MSN: variants seen among roughly 807,000 people sequenced by gnomAD.
MSN encodes the protein epididymis luminal protein 70.
A neutral mutation model predicts 48.0 loss-of-function variants in MSN; 2 were observed. The ratio of observed to expected loss-of-function variants is 0.04; its 90% CI spans 0.02 to 0.13. The LOEUF is 0.13. MSN is among the 10% of genes least tolerant of loss of function. MSN has a pLI of 1.00. For missense variants in MSN, 267 were observed against 470.1 expected, an observed-to-expected ratio of 0.57 and a Z score of 3.99; for synonymous variants, 146 against 166.9, an observed-to-expected ratio of 0.87 and a Z score of 0.97.
intron 1 of MSN, chrX:65,593,449 G>A (rs762291722): frequency 8.9e-6 from 1 of 112,598 alleles, no homozygotes; most frequent in African/African-American, 3.2e-5. Context: ...CCGTCCCAGG[G>A]TCTGTTTGTG....
intron 7 of MSN, 37 bp downstream of exon 7, chrX:65,733,317 G>T: frequency 4.8e-6 from 5 of 1,034,572 alleles, no homozygotes; most frequent in Non-Finnish European, 5.4e-6. Flanking sequence ...ACAGGTACTT[G>T]CCAAGGCCTG....
chrX:65,667,300 G>A (rs2070880597), upstream of MSN, among the ~76,000 whole-genome samples: 1 of 111,762 alleles, frequency 8.9e-6, no homozygotes, highest in Admixed American at 9.4e-5. Context: ...GAAAAGATAG[G>A]TAGTGAGCTC....
intron 1 of MSN, among the ~76,000 whole-genome samples, chrX:65,681,488 C>G (rs745563758): frequency 1.5e-4 from 17 of 111,511 alleles, no homozygotes; most frequent in Middle Eastern, 4.2e-3. Flanking sequence ...GGATGAGCAC[C>G]TGGTAGGGCA....
intron 1 of MSN, among the ~76,000 whole-genome samples, chrX:65,707,911 C>A (rs888955791): frequency 8.9e-6 from 1 of 112,572 alleles, no homozygotes; most frequent in Non-Finnish European, 1.9e-5. Context: ...TCCCTGCTAC[C>A]TCTGACACGT....
chrX:65,728,358 A>G (rs1445369578), intron 3 of MSN, among the ~76,000 whole-genome samples: 1 of 111,300 alleles, frequency 9.0e-6, no homozygotes, highest in Admixed American at 9.5e-5. Flanking sequence ...CAGTGGTGCC[A>G]TCTCGGCTCA....
intron 1 of MSN, among the ~76,000 whole-genome samples, chrX:65,706,534 C>T (rs1399838493): frequency 1.8e-5 from 2 of 112,028 alleles, no homozygotes; most frequent in African/African-American, 3.2e-5. Context: ...ACAACCTCTG[C>T]CCCAGTGAGA....
intron 1 of MSN, among the ~76,000 whole-genome samples, chrX:65,627,220 G>C (rs2070514099): frequency 9.1e-6 from 1 of 110,352 alleles, no homozygotes; most frequent in South Asian, 3.9e-4. Flanking sequence ...TTTTAAATAA[G>C]AGCTTTATTG....
At chrX:65,612,392 G>A (rs2070327811) in intron 1 of MSN, among the ~76,000 whole-genome samples, 1 of 110,423 alleles carries the variant, frequency 9.1e-6, no homozygotes, top group Non-Finnish European at 1.9e-5. Context: ...CCTACTCTCG[G>A]GTATTCTGTT....
Position 65,741,521 on chromosome X carries a change from C to T in MSN, c.*1628C>T, listed in dbSNP as rs192153580. 1 of 166,542 alleles carries T rather than the reference C, an allele frequency of 6.0e-6. No homozygotes were observed. Among genetic ancestry groups the T allele is most frequent in the African/African-American group, 3.0e-5 (1 of 33,284 alleles). 13.7% of individuals were successfully genotyped at this position (166,542 alleles called of 1,213,427 possible). On this transcript the variant is annotated 3_prime_UTR_variant, in exon 13 of 13. Transcript: ENST00000360270. ...GGTCATACAATCCATTCTTAAAGTA[C>T]TTGTTATTTGTTTTTATTATTACTG...
At chrX:65,663,919 G>A (rs1233277634), upstream of MSN, among the ~76,000 whole-genome samples, 1 of 109,391 alleles carries the variant, frequency 9.1e-6, no homozygotes, top group Non-Finnish European at 1.9e-5. Flanking sequence ...AATTAGCCGG[G>A]CATGGTGGCG....
At chrX:65,612,426 G>T (rs1483762146) in intron 1 of MSN, among the ~76,000 whole-genome samples, 1 of 111,250 alleles carries the variant, frequency 9.0e-6, no homozygotes, top group Non-Finnish European at 1.9e-5. Context: ...ATGGACTCAG[G>T]TTATTCATCT....
intron 1 of MSN, among the ~76,000 whole-genome samples, chrX:65,607,067 G>C (rs1166961219): frequency 1.8e-5 from 2 of 112,122 alleles, no homozygotes; most frequent in African/African-American, 6.5e-5. Context: ...CATCTAATGA[G>C]TATTTTCAAT....
intron 1 of MSN, among the ~76,000 whole-genome samples, chrX:65,708,113 G>A (rs1226849688): frequency 9.0e-6 from 1 of 110,941 alleles, no homozygotes; most frequent in Non-Finnish European, 1.9e-5. Flanking sequence ...GTCTCCCAAA[G>A]TGTTGGGATT....
chrX:65,603,368 T>A, intron 1 of MSN, among the ~76,000 whole-genome samples: 1 of 111,814 alleles, frequency 8.9e-6, no homozygotes, highest in African/African-American at 3.2e-5. Context: ...ACTCATTTTA[T>A]CTTAACAGCA....
At chrX:65,629,777 C>G (rs1299976348) in intron 1 of MSN, among the ~76,000 whole-genome samples, 1 of 111,746 alleles carries the variant, frequency 8.9e-6, no homozygotes, top group Non-Finnish European at 1.9e-5. Flanking sequence ...AAATTACACC[C>G]CCACCGGTCC....
At chrX:65,683,175 GC>G (rs2071074313) in intron 1 of MSN, among the ~76,000 whole-genome samples, 1 of 111,840 alleles carries the variant, frequency 8.9e-6, no homozygotes, top group Non-Finnish European at 1.9e-5. Context: ...TTGTGTTTGT[GC>G]TGCTCATTAT....
chrX:65,649,408 A>G lies in MSN; in HGVS notation c.-22+60796A>G, dbSNP rs1422214651. On this transcript the variant is annotated intron_variant, in intron 1 of 3. Coordinates refer to the MSN transcript ENST00000609672. ...TGAAACCCCATCTCTACTAAAAAAA[A>G]AAAAAAAAAATACAAAAATTAGCCA... 9.9e-5 allele frequency among the ~76,000 whole-genome samples: 10 copies of G among 101,302 alleles called. 1 individual carries two copies. The highest frequency in any genetic ancestry group is 2.0e-4 in the Non-Finnish European group (10 of 50,259). 88.0% of individuals were successfully genotyped at this position (101,302 alleles called of 115,157 possible).
Position 65,677,939 on chromosome X carries a change from G to T in MSN, c.12+10086G>T, listed in dbSNP as rs753623072. ...TTTGAGTGCTTGAAGAGTTGCTCCA[G>T]CAGGGCCTGATGTGGGCCTGGTGAA... On this transcript the variant is annotated intron_variant, in intron 1 of 12. Coordinates refer to ENST00000360270, the MANE Select transcript of MSN (RefSeq NM_002444.3). Among the ~76,000 whole-genome samples the T allele has an allele frequency of 3.6e-5, 4 of 110,955 alleles. No homozygotes were observed. The South Asian group carries it at 1.5e-3, about 42-fold the overall frequency.
intron 2 of MSN, among the ~76,000 whole-genome samples, chrX:65,725,412 C>G (rs1377036436): frequency 5.4e-5 from 6 of 111,086 alleles, no homozygotes; most frequent in Non-Finnish European, 7.6e-5. Flanking sequence ...CTCTCTCTCT[C>G]TCTTTTTTTT....
Sources: gnomAD v4.1 joint callset for allele counts (sites outside exome capture counted in the v4.1 genomes callset) on GRCh38, gnomAD v4.1.1 for gene constraint, MANE v1.5 for transcripts, NCBI Gene and HGNC (gene_info 2026-07-23, HGNC 2026-07-21) for gene names.